CSMD3: variants seen among roughly 807,000 people sequenced by gnomAD.
CSMD3 encodes the protein CUB and sushi domain-containing protein 3.
In CSMD3, 177 loss-of-function variants were observed where a neutral mutation model predicts 435.2. The ratio of observed to expected loss-of-function variants is 0.41; its 90% confidence interval spans 0.36 to 0.46. The LOEUF (loss-of-function observed/expected upper bound fraction) is 0.46, where lower values mean the gene tolerates loss of function less well. Among genes scored for constraint, CSMD3 ranks in the 20% least tolerant of loss-of-function variants. The probability of loss-of-function intolerance (pLI) is 0.34; values close to 1 mark genes in which losing one functional copy is unlikely to be tolerated. For missense variants in CSMD3, 4,265 were observed against 4,504.6 expected, an observed-to-expected ratio of 0.95 and a Z score of 1.52; for synonymous variants, 1,656 against 1,520.5, an observed-to-expected ratio of 1.09 and a Z score of -2.07.
intron 38 of CSMD3, among the ~76,000 whole-genome samples, chr8:112,372,432 G>T (rs1323059860): frequency 6.6e-6 from 1 of 152,054 alleles, no homozygotes; most frequent in Non-Finnish European, 1.5e-5. Context: ...GGGTTGAGTG[G>T]AAGGAACATT....
intron 5 of CSMD3, among the ~76,000 whole-genome samples, chr8:113,047,500 GAACA>G (rs1396516155): frequency 6.6e-6 from 1 of 152,124 alleles, no homozygotes; most frequent in Non-Finnish European, 1.5e-5. Context: ...AAAATTAACT[GAACA>G]ATCAGGATTT....
At chr8:112,260,203 A>C (rs920960449) in intron 61 of CSMD3, among the ~76,000 whole-genome samples, 1 of 152,210 alleles carries the variant, frequency 6.6e-6, no homozygotes, top group African/African-American at 2.4e-5. Context: ...ATGGATTTGC[A>C]TACCCAATGG....
At chr8:113,102,338 C>T (rs564219346) in intron 4 of CSMD3, among the ~76,000 whole-genome samples, 1 of 152,160 alleles carries the variant, frequency 6.6e-6, no homozygotes, top group African/African-American at 2.4e-5. Flanking sequence ...TCTTGTGAAA[C>T]AAAATTTATT....
chr8:112,534,950 T>C (rs1271704405), intron 27 of CSMD3, among the ~76,000 whole-genome samples: 1 of 152,166 alleles, frequency 6.6e-6, no homozygotes. Flanking sequence ...TCTCAATAGA[T>C]GCAGAAAAGG....
chr8:112,932,462 G>A (rs1219121812), intron 9 of CSMD3, among the ~76,000 whole-genome samples: 2 of 152,130 alleles, frequency 1.3e-5, no homozygotes, highest in Admixed American at 1.3e-4. Context: ...TAGCCAGGGT[G>A]GTCTCAGTCT....
intron 13 of CSMD3, among the ~76,000 whole-genome samples, chr8:112,780,965 C>T (rs1012414892): frequency 3.9e-5 from 6 of 152,040 alleles, no homozygotes; most frequent in African/African-American, 1.4e-4. Context: ...GTTCATACAA[C>T]CTAGTGAGAC....
Position 112,976,026 on chromosome 8 carries a change from C to G in CSMD3, c.1153G>C (p.Val385Leu), listed in dbSNP as rs2130934116. 6.2e-7 allele frequency: 1 copy of G among 1,614,032 alleles called. No individual in the cohort carries two copies. The highest frequency in any genetic ancestry group is 8.5e-7 in the Non-Finnish European group (1 of 1,179,960). Residue 385 changes from valine (V) to leucine (L), a missense_variant, in exon 7 of 71, where the codon GTC (valine) becomes CTC (leucine). Coordinates refer to ENST00000297405, the MANE Select transcript of CSMD3 (RefSeq NM_198123.2). ...TCCTCGGAAAGTCTATGGATGGTGA[C>G]AGCTGTAACACTGGATACAGTAACA... ...ADVTVSSVTA[V>L]TIHRLSEEQR...
chr8:112,854,235 T>C (rs1199213981), intron 11 of CSMD3, among the ~76,000 whole-genome samples: 2 of 152,004 alleles, frequency 1.3e-5, no homozygotes, highest in East Asian at 3.9e-4. Context: ...GTCATTCATA[T>C]CAAGAGTGAG....
chr8:112,995,968 A>C (rs560024803), intron 6 of CSMD3, among the ~76,000 whole-genome samples: 1 of 151,662 alleles, frequency 6.6e-6, no homozygotes, highest in Non-Finnish European at 1.5e-5. Context: ...ATGAGAAAGA[A>C]GATTTTTGAA....
rs141539080 is a variant in CSMD3 at position 112,677,557 on chromosome 8, T to C, written c.2677+4885A>G. Among the ~76,000 whole-genome samples the C allele has an allele frequency of 3.9e-4, 58 of 149,358 alleles. No individual in the cohort carries two copies. In the East Asian group the frequency reaches 9.6e-3, roughly 25 times the overall value. On this transcript the variant is annotated intron_variant, in intron 16 of 70. Coordinates refer to ENST00000297405, the MANE Select transcript of CSMD3 (RefSeq NM_198123.2). Reference sequence around the variant, plus strand: ...ATTAGGAGCTAAATTATTAGCAAAATTGTACTGTCTCATGGTAAAAATAGG... The same window carrying C: ...ATTAGGAGCTAAATTATTAGCAAAACTGTACTGTCTCATGGTAAAAATAGG...
intron 4 of CSMD3, among the ~76,000 whole-genome samples, chr8:113,141,217 T>A (rs1339373001): frequency 6.6e-6 from 1 of 150,718 alleles, no homozygotes; most frequent in East Asian, 1.9e-4. Context: ...GTTTAATAAG[T>A]ACAAATGCTT....
intron 7 of CSMD3, among the ~76,000 whole-genome samples, chr8:112,973,887 T>C (rs991395920): frequency 6.6e-6 from 1 of 151,870 alleles, no homozygotes; most frequent in East Asian, 1.9e-4. Context: ...TATAACAATT[T>C]AAGTCACTGT....
At chr8:112,413,953 A>G (rs1811628570) in intron 32 of CSMD3, among the ~76,000 whole-genome samples, 1 of 152,000 alleles carries the variant, frequency 6.6e-6, no homozygotes, top group African/African-American at 2.4e-5. Context: ...CACCTCCACC[A>G]TCCCCCAGGT....
At chr8:112,812,270 A>G (rs1230153520) in intron 12 of CSMD3, among the ~76,000 whole-genome samples, 9 of 152,162 alleles carry the variant, frequency 5.9e-5, no homozygotes, top group African/African-American at 2.2e-4. Flanking sequence ...GTTTAACTGT[A>G]ACACTTGACT....
chr8:112,686,112 G>A (rs1249041978), intron 14 of CSMD3, among the ~76,000 whole-genome samples: 1 of 152,108 alleles, frequency 6.6e-6, no homozygotes, highest in Admixed American at 6.6e-5. Context: ...AATATTATGT[G>A]GATATTAACA....
chr8:113,364,875 AT>A (rs1458902079), intron 1 of CSMD3, among the ~76,000 whole-genome samples: 2 of 152,140 alleles, frequency 1.3e-5, no homozygotes, highest in Admixed American at 1.3e-4. Flanking sequence ...GAGAAGACTT[AT>A]AAAAATTAAA....
chr8:112,378,963 A>T (rs1325036260), intron 38 of CSMD3, among the ~76,000 whole-genome samples: 10 of 152,224 alleles, frequency 6.6e-5, no homozygotes, highest in African/African-American at 2.4e-4. Context: ...AAGAGATTCC[A>T]TTAAAAAAAA....
intron 45 of CSMD3, among the ~76,000 whole-genome samples, chr8:112,329,983 G>A (rs1249045225): frequency 2.6e-5 from 4 of 151,730 alleles, no homozygotes; most frequent in South Asian, 2.1e-4. Context: ...CCATACCCCC[G>A]TTCTCTCTGG....
At chr8:112,772,632 G>C (rs2078148863) in intron 13 of CSMD3, among the ~76,000 whole-genome samples, 1 of 152,002 alleles carries the variant, frequency 6.6e-6, no homozygotes, top group African/African-American at 2.4e-5. Context: ...AAAGAGGAAG[G>C]AACGCCTCTT....
Sources: allele counts gnomAD v4.1 joint callset (sites outside exome capture counted in the v4.1 genomes callset), GRCh38; gene constraint gnomAD v4.1.1; transcripts MANE v1.5; gene names NCBI Gene and HGNC (gene_info 2026-07-23, HGNC 2026-07-21).